SCAF4: variants seen among roughly 807,000 people sequenced by gnomAD.
SCAF4 encodes SR-related and CTD-associated factor 4.
In SCAF4, 25 loss-of-function variants were observed where a neutral mutation model predicts 129.8. The ratio of observed to expected loss-of-function variants is 0.19; its 90% confidence interval spans 0.14 to 0.27. SCAF4 has a LOEUF of 0.27. Among genes scored for constraint, SCAF4 ranks in the 10% least tolerant of loss-of-function variants. The probability of loss-of-function intolerance (pLI) is 1.00; values close to 1 mark genes in which losing one functional copy is unlikely to be tolerated. For synonymous variants in SCAF4, 551 were observed against 497.7 expected, an observed-to-expected ratio of 1.11 and a Z score of -1.43; for missense variants, 1,246 against 1,457.1, an observed-to-expected ratio of 0.86 and a Z score of 2.36.
In SCAF4 at chr21:31,671,104, AAATT is replaced by A. The variant is rs2049676394; in HGVS notation, c.*291_*294del. ...GGAGCTTTCACCGTTACCTTGTCTT[AAATT>A]AAAAAAAAAAAAAAAAATAGAGAGC... On this transcript the variant is annotated 3_prime_UTR_variant, in exon 20 of 20. Coordinates refer to ENST00000286835, the MANE Select transcript of SCAF4 (RefSeq NM_020706.2). 3.7e-6 allele frequency: 1 copy of A among 270,356 alleles called. No individual in the cohort carries two copies. The highest frequency in any genetic ancestry group is 6.8e-6 in the Non-Finnish European group (1 of 146,720). The allele number at this position is 270,356 out of a possible 1,614,324, so 16.7% of individuals were successfully genotyped here. A position where few individuals can be genotyped will look rare whatever the true frequency, so the allele number is the denominator to read the frequency against.
At position 31,671,310 on chromosome 21, in the gene SCAF4, C is replaced by G. The variant is rs1434564361; in HGVS notation, c.*89G>C. On this transcript the variant is annotated 3_prime_UTR_variant, in exon 20 of 20. Transcript: ENST00000286835. ...CACCAGCTGGCGCGGGGCTGCAGTACAGCGGGAGCGGATATAATACAGCAT... is the reference window on the plus strand; with the variant it reads ...CACCAGCTGGCGCGGGGCTGCAGTAGAGCGGGAGCGGATATAATACAGCAT... 2 of 1,459,270 alleles carry G rather than the reference C, an allele frequency of 1.4e-6. No homozygotes were observed. The highest frequency in any genetic ancestry group is 4.6e-5 in the East Asian group (2 of 43,388). 90.4% of individuals were successfully genotyped at this position (1,459,270 alleles called of 1,614,324 possible). A position where few individuals can be genotyped will look rare whatever the true frequency, so the allele number is the denominator to read the frequency against.
At chr21:31,730,549 G>A (rs1568873747) in intron 1 of SCAF4, among the ~76,000 whole-genome samples, 3 of 152,192 alleles carry the variant, frequency 2.0e-5, no homozygotes, top group Non-Finnish European at 4.4e-5. Flanking sequence ...CAAAATCTGT[G>A]AGATGCAGCA....
chr21:31,674,468 T>C (rs1216963990), intron 19 of SCAF4, among the ~76,000 whole-genome samples: 2 of 152,228 alleles, frequency 1.3e-5, no homozygotes, highest in African/African-American at 4.8e-5. Context: ...GAGAGCCAAC[T>C]AAATTTATAG....
At position 31,731,681 on chromosome 21, in the gene SCAF4, G is replaced by C; in HGVS notation, c.12C>G (p.Val4=). The change falls in exon 1 of 20, where the codon GTC becomes GTG. Residue 4 remains valine, a synonymous_variant. Coordinates refer to ENST00000286835, the MANE Select transcript of SCAF4 (RefSeq NM_020706.2). MDA[V]NAFNQELFSL... The stretch of plus-strand genomic sequence containing the variant: ...CCCTTACCTCCTGGTTGAAGGCGTT[G>C]ACGGCGTCCATGTTCGCGCTGCGGC... 6.3e-7 allele frequency: 1 copy of C among 1,585,222 alleles called. No homozygotes were observed. Among genetic ancestry groups the C allele is most frequent in the South Asian group, 1.1e-5 (1 of 88,810 alleles).
In SCAF4 at chr21:31,693,356, C is replaced by T. The variant is rs1170250276; in HGVS notation, c.1451G>A (p.Arg484Gln). The change falls in exon 12 of 20, where the codon CGA (arginine) becomes CAA (glutamine). Residue 484 changes from arginine to glutamine, a missense_variant. Arg to Gln is a conservative substitution (Grantham distance 43). This residue lies in a region of SCAF4 where 468 missense variants were observed against 605.5 expected (regional missense o/e 0.77). Transcript: ENST00000286835. ...TTGTCGACGTTCTCTCTCTTTTTCT[C>T]GATCCCGTCTTTCTTGAGATCGAGA... ...PRSRSQERRD[R>Q]EKERERRQKG... 7.1e-6 allele frequency: 11 copies of T among 1,549,034 alleles called. No individual in the cohort carries two copies. The highest frequency in any genetic ancestry group is 2.4e-5 in the South Asian group (2 of 84,736).
intron 15 of SCAF4, among the ~76,000 whole-genome samples, 171 bp from the exon 16 acceptor site, chr21:31,688,635 G>A (rs1275811177): frequency 6.6e-6 from 1 of 152,166 alleles, no homozygotes; most frequent in Non-Finnish European, 1.5e-5. Flanking sequence ...ACATGTAAAA[G>A]AATGCATACT....
chr21:31,707,327 T>C (rs1192157532), intron 1 of SCAF4, among the ~76,000 whole-genome samples: 1 of 152,184 alleles, frequency 6.6e-6, no homozygotes, highest in Non-Finnish European at 1.5e-5. Context: ...CACTCCAGCC[T>C]GGGCAACAGA....
At chr21:31,704,920 A>G (rs1218947972) in intron 3 of SCAF4, among the ~76,000 whole-genome samples, 1 of 152,198 alleles carries the variant, frequency 6.6e-6, no homozygotes, top group Non-Finnish European at 1.5e-5. Context: ...TAGGTACTAC[A>G]TGTCACAGCT....
At chr21:31,687,527 T>C (rs770804883) in intron 16 of SCAF4, among the ~76,000 whole-genome samples, 3 of 152,224 alleles carry the variant, frequency 2.0e-5, no homozygotes, top group Non-Finnish European at 4.4e-5. Context: ...GTTGGCTGAC[T>C]AGACAGCAAA....
intron 10 of SCAF4, 95 bp from the exon 11 acceptor site, chr21:31,694,384 C>A: frequency 1.3e-6 from 1 of 752,730 alleles, no homozygotes. Context: ...AATCTCCTTC[C>A]CTGAAGCAAT....
At chr21:31,674,348 T>C (rs1316251848) in intron 19 of SCAF4, among the ~76,000 whole-genome samples, 1 of 152,214 alleles carries the variant, frequency 6.6e-6, no homozygotes, top group Non-Finnish European at 1.5e-5. Flanking sequence ...TTGATACATG[T>C]GGATATTTGT....
rs1372919759 is a variant in SCAF4, at chr21:31,671,798, C to T, written c.3045G>A (p.Arg1015=). 1 of 1,614,148 alleles carries T rather than the reference C, an allele frequency of 6.2e-7. No individual in the cohort carries two copies. Among genetic ancestry groups the T allele is most frequent in the South Asian group, 1.1e-5 (1 of 91,082 alleles). The change falls in exon 20 of 20, where the codon CGG becomes CGA. Residue 1015 remains arginine, a synonymous_variant. Coordinates refer to ENST00000286835, the MANE Select transcript of SCAF4 (RefSeq NM_020706.2). ...CTCTATCATCATTACGGTTCCCATA[C>T]CGTTCCCGGTCATTTTCCACCCTAT... ...FGNRVENDRE[R]YGNRNDDRDN...
chr21:31,729,637 A>G (rs1799596983), intron 1 of SCAF4, among the ~76,000 whole-genome samples: 2 of 152,244 alleles, frequency 1.3e-5, no homozygotes, highest in African/African-American at 4.8e-5. Context: ...AAGTAGGCAC[A>G]GTAAGATGAA....
chr21:31,690,941 A>G lies in SCAF4; in HGVS notation c.1741T>C (p.Leu581=). 6.2e-7 allele frequency: 1 copy of G among 1,606,122 alleles called. No individual in the cohort carries two copies. The change falls in exon 15 of 20, where the codon TTA becomes CTA. Residue 581 remains leucine, a synonymous_variant. Coordinates refer to ENST00000286835, the MANE Select transcript of SCAF4 (RefSeq NM_020706.2). The part of the protein sequence containing the change: ...NQKSIKIAWA[L]NKGIKADYKQ... ...TAATCTGCCTTTATTCCTTTGTTTA[A>G]GGCCCAGGCAATCTATTTCACCATT...
At chr21:31,672,378 T>C (rs759115948) in intron 19 of SCAF4, 24 bp from the exon 20 acceptor site, 4 of 1,559,110 alleles carry the variant, frequency 2.6e-6, no homozygotes, top group Non-Finnish European at 2.7e-6. Flanking sequence ...AAAATAAAAA[T>C]GTAAACACCA....
rs985048115 is a variant in SCAF4 at position 31,690,810 on chromosome 21, G to A, written c.1872C>T (p.Asp624=). 3 of 1,613,084 alleles carry A rather than the reference G, an allele frequency of 1.9e-6. No homozygotes were observed. Among genetic ancestry groups the A allele is most frequent in the Non-Finnish European group, 2.5e-6 (3 of 1,179,552 alleles). The change falls in exon 15 of 20, where the codon GAC becomes GAT. Residue 624 remains aspartate (D), a synonymous_variant. Transcript: ENST00000286835. Reference sequence around the variant, plus strand: ...ATACTGCTTTACCTGGGTTAAGTGTGTCACTGTCCAACATTCCTCCTTCAC... The same window carrying A: ...ATACTGCTTTACCTGGGTTAAGTGTATCACTGTCCAACATTCCTCCTTCAC... The part of the protein sequence containing the change: ...SFCEGGMLDS[D]TLNPDWKGIP...
intron 1 of SCAF4, among the ~76,000 whole-genome samples, chr21:31,719,362 G>A (rs1371005608): frequency 1.3e-5 from 2 of 151,932 alleles, no homozygotes; most frequent in African/African-American, 4.8e-5. Flanking sequence ...AACTTCATCT[G>A]CATTATTTTT....
chr21:31,695,370 C>T (rs1056778716), intron 9 of SCAF4, among the ~76,000 whole-genome samples: 1 of 152,000 alleles, frequency 6.6e-6, no homozygotes, highest in African/African-American at 2.4e-5. Context: ...GAAGCAATGA[C>T]TTCTAGGTTT....
rs1274179452 is a variant in SCAF4 at position 31,690,878 on chromosome 21, T to C, written c.1804A>G (p.Ile602Val). 3 of 1,613,914 alleles carry C rather than the reference T, an allele frequency of 1.9e-6. No homozygotes were observed. Among genetic ancestry groups the C allele is most frequent in the East Asian group, 2.2e-5 (1 of 44,874 alleles). ...YWDVELGVTYIPWDKVKPEEL... is the reference protein window; with the variant it reads ...YWDVELGVTYVPWDKVKPEEL... ...TCAGGCTTGACTTTGTCCCATGGAA[T>C]ATAAGTAACACCAAGTTCTACATCC... The change falls in exon 15 of 20, where the codon ATT becomes GTT. Residue 602 changes from isoleucine (I) to valine (V), a missense_variant. By Grantham distance (29) the Ile-to-Val change is conservative. Around this residue, in one of 6 missense-constraint regions of SCAF4, gnomAD observed 468 missense variants for 605.5 expected, o/e 0.77. Coordinates refer to ENST00000286835, the MANE Select transcript of SCAF4 (RefSeq NM_020706.2).
Sources: allele counts gnomAD v4.1 joint callset (sites outside exome capture counted in the v4.1 genomes callset), GRCh38; gene constraint gnomAD v4.1.1; regional missense constraint gnomAD v4.1.1; transcripts MANE v1.5; gene names NCBI Gene and HGNC (gene_info 2026-07-23, HGNC 2026-07-21).